The following SLC8A1 variants were observed in gnomAD, a reference collection of about 807,000 sequenced individuals.
SLC8A1 encodes sodium/calcium exchanger 1.
Under a neutral mutation model 68.3 loss-of-function variants are expected in SLC8A1, and 18 were observed. That is an observed-to-expected ratio of 0.26 (90% CI 0.18 to 0.39). The LOEUF (loss-of-function observed/expected upper bound fraction) is 0.39. Ranked by LOEUF, SLC8A1 falls within the 10% of genes least tolerant of loss-of-function variation. The pLI, the probability that SLC8A1 is intolerant of heterozygous loss-of-function variation, is 1.00. For synonymous variants in SLC8A1, 475 were observed against 415.5 expected, an observed-to-expected ratio of 1.14 and a Z score of -1.74; for missense variants, 985 against 1,156.7, an observed-to-expected ratio of 0.85 and a Z score of 2.15.
chr2:40,353,254 GTC>G (rs1318563340), intron 2 of SLC8A1, among the ~76,000 whole-genome samples: 1 of 152,074 alleles, frequency 6.6e-6, no homozygotes, highest in African/African-American at 2.4e-5. Context: ...TCATAACCAT[GTC>G]TCTGAGCCTC....
chr2:40,175,041 T>C (rs1281642761), intron 3 of SLC8A1, among the ~76,000 whole-genome samples, 199 bp from the exon 5 acceptor site: 1 of 152,142 alleles, frequency 6.6e-6, no homozygotes, highest in East Asian at 1.9e-4. Context: ...AATTTAATTC[T>C]TGTGCATACC....
chr2:40,485,156 C>T (rs937898326), intron 1 of SLC8A1, among the ~76,000 whole-genome samples: 2 of 152,040 alleles, frequency 1.3e-5, no homozygotes, highest in Admixed American at 6.6e-5. Context: ...AAGGAGAGAA[C>T]AACCATCCCC....
chr2:40,183,162 G>A (rs1366424), intron 2 of SLC8A1, among the ~76,000 whole-genome samples: 17,438 of 152,070 alleles, frequency 0.11, 1,085 homozygotes, highest in Non-Finnish European at 0.12. Context: ...CAGAGAAGTT[G>A]GTAACTTCCA....
intron 1 of SLC8A1, among the ~76,000 whole-genome samples, chr2:40,451,373 C>A (rs867090933): frequency 3.9e-5 from 6 of 152,278 alleles, no homozygotes; most frequent in Middle Eastern, 3.4e-3. Flanking sequence ...CCCTCCTCTC[C>A]GCAGTCCGTG....
At chr2:40,120,594 G>T (rs1340552963) in intron 7 of SLC8A1, 1 of 152,144 alleles carries the variant, frequency 6.6e-6, no homozygotes, top group Non-Finnish European at 1.5e-5. Flanking sequence ...GATTTTGCTG[G>T]TTTTTTTGAT....
intron 2 of SLC8A1, among the ~76,000 whole-genome samples, chr2:40,373,163 C>A (rs991035782): frequency 3.8e-5 from 3 of 78,544 alleles, no homozygotes; most frequent in African/African-American, 1.0e-4. Flanking sequence ...GCTATTCTTA[C>A]CAGGTTTTGT....
At chr2:40,154,995 G>T (rs2044199265) in intron 6 of SLC8A1, among the ~76,000 whole-genome samples, 1 of 152,004 alleles carries the variant, frequency 6.6e-6, no homozygotes, top group Non-Finnish European at 1.5e-5. Flanking sequence ...TTTAGACAAA[G>T]GAAAATTATG....
At chr2:40,115,568 G>A (rs973055147) in exon 8 of SLC8A1, 13 of 1,613,624 alleles carry the variant, frequency 8.1e-6, no homozygotes, top group African/African-American at 2.7e-5. Context: ...TGCCCGTGAC[G>A]TTACCTATGG....
intron 2 of SLC8A1, among the ~76,000 whole-genome samples, chr2:40,284,757 G>C (rs1413021994): frequency 6.6e-6 from 1 of 151,614 alleles, no homozygotes; most frequent in Non-Finnish European, 1.5e-5. Flanking sequence ...CTTTTCCCAT[G>C]AAGTTTGTCT....
At chr2:40,367,812 G>C (rs1426968854) in intron 2 of SLC8A1, among the ~76,000 whole-genome samples, 1 of 152,030 alleles carries the variant, frequency 6.6e-6, no homozygotes. Flanking sequence ...CACTAGCTTT[G>C]TTCACAGCCA....
At chr2:40,242,854 G>C (rs1208316292) in intron 2 of SLC8A1, among the ~76,000 whole-genome samples, 1 of 152,180 alleles carries the variant, frequency 6.6e-6, no homozygotes, top group Non-Finnish European at 1.5e-5. Context: ...AGTCAGACGA[G>C]AAAGACAAAC....
Position 40,444,074 on chromosome 2 carries a change from T to G in SLC8A1, c.-25+7830A>C, listed in dbSNP as rs146783489. 1.4e-3 allele frequency among the ~76,000 whole-genome samples: 206 copies of G among 152,234 alleles called. 2 individuals are homozygous for G. Among genetic ancestry groups the G allele is most frequent in the African/African-American group, 4.8e-3 (200 of 41,546 alleles). On this transcript the variant is annotated intron_variant, in intron 1 of 7. Transcript: ENST00000406785. ...CATCTAGGCCAGGTACAGTAGCTCA[T>G]GACTATAATCCCAGCACTTTGGGAG... is the stretch of plus-strand genomic sequence containing the variant.
At chr2:40,311,452 A>C (rs1023380208) in intron 2 of SLC8A1, among the ~76,000 whole-genome samples, 1 of 152,150 alleles carries the variant, frequency 6.6e-6, no homozygotes, top group Non-Finnish European at 1.5e-5. Flanking sequence ...ATATGAGAAA[A>C]TCGAAGGCAT....
intron 2 of SLC8A1, among the ~76,000 whole-genome samples, chr2:40,407,302 G>C (rs1690677697): frequency 6.6e-6 from 1 of 152,188 alleles, no homozygotes; most frequent in Non-Finnish European, 1.5e-5. Context: ...CTGACCTCCA[G>C]TGATCTGCCC....
chr2:40,274,379 C>T (rs1422915288), intron 2 of SLC8A1, among the ~76,000 whole-genome samples: 1 of 152,020 alleles, frequency 6.6e-6, no homozygotes, highest in Non-Finnish European at 1.5e-5. Context: ...CAGCCCCACA[C>T]TGAAGGGCAA....
intron 2 of SLC8A1, among the ~76,000 whole-genome samples, chr2:40,284,643 T>C (rs1559092513): frequency 7.3e-6 from 1 of 137,136 alleles, no homozygotes; most frequent in African/African-American, 2.5e-5. Context: ...GGGAAAAACA[T>C]ATATAAATAT....
intron 2 of SLC8A1, among the ~76,000 whole-genome samples, chr2:40,340,825 A>G (rs1412248223): frequency 6.6e-6 from 1 of 152,198 alleles, no homozygotes; most frequent in African/African-American, 2.4e-5. Flanking sequence ...TGAGGGTAAG[A>G]AAAAGTTTGA....
intron 2 of SLC8A1, among the ~76,000 whole-genome samples, chr2:40,303,797 A>G (rs1449637809): frequency 6.6e-6 from 1 of 152,172 alleles, no homozygotes; most frequent in East Asian, 1.9e-4. Context: ...CACTTTCTTC[A>G]GGTCTGAGAT....
chr2:40,283,068 CTA>C (rs905314616), intron 2 of SLC8A1, among the ~76,000 whole-genome samples: 2 of 152,164 alleles, frequency 1.3e-5, no homozygotes, highest in African/African-American at 4.8e-5. Flanking sequence ...ACTTAATTAA[CTA>C]TTCTACTAGA....
Sources: allele counts gnomAD v4.1 joint callset (sites outside exome capture counted in the v4.1 genomes callset), GRCh38; gene constraint gnomAD v4.1.1; transcripts MANE v1.5; gene names NCBI Gene and HGNC (gene_info 2026-07-23, HGNC 2026-07-21).